The following GABRA3 variants were observed in gnomAD, a reference collection of about 807,000 sequenced individuals.
GABRA3 encodes gamma-aminobutyric acid type A receptor subunit alpha3, also known as gamma-aminobutyric acid receptor subunit alpha-3.
GABRA3 carries 10 observed loss-of-function variants against 30.1 expected under a neutral mutation model. The ratio of observed to expected loss-of-function variants is 0.33; its 90% CI spans 0.20 to 0.56. GABRA3 has a LOEUF of 0.56. GABRA3 is among the 20% of genes least tolerant of loss of function. The probability of loss-of-function intolerance (pLI) is 0.89; values close to 1 mark genes in which losing one functional copy is unlikely to be tolerated. For synonymous variants in GABRA3, 151 were observed against 146.8 expected, an observed-to-expected ratio of 1.03 and a Z score of -0.21; for missense variants, 233 against 392.0, an observed-to-expected ratio of 0.59 and a Z score of 3.42.
rs1382763460 is a variant in GABRA3 at position 152,174,829 on chromosome X, C to A, written c.1144-6266G>T. Reference sequence around the variant, plus strand: ...CATTTTTCAATTTTGGCTTTTGTTGCCATTGCTTTTGGTGTTTTAGACATG... The same window carrying A: ...CATTTTTCAATTTTGGCTTTTGTTGACATTGCTTTTGGTGTTTTAGACATG... On this transcript the variant is annotated intron_variant, in intron 9 of 9. Transcript: ENST00000370314. Among the ~76,000 whole-genome samples the A allele has an allele frequency of 2.7e-5, 3 of 111,934 alleles. No individual in the cohort carries two copies. The East Asian group carries it at 8.4e-4, about 31-fold the overall frequency.
intron 1 of GABRA3, among the ~76,000 whole-genome samples, chrX:152,401,841 G>T (rs1929804403): frequency 9.0e-6 from 1 of 111,627 alleles, no homozygotes; most frequent in African/African-American, 3.3e-5. Context: ...ATAGGATAGA[G>T]ATTTGGATAA....
Position 152,290,657 on chromosome X carries a change from T to C in GABRA3, c.263-5922A>G, listed in dbSNP as rs73623039. The stretch of plus-strand genomic sequence containing the variant: ...CTTTTACGGTTTCAGGTCTAACATT[T>C]AATTCTTTATTCAATCTTGAATTAA... On this transcript the variant is annotated intron_variant, in intron 3 of 9. Transcript: ENST00000370314. Among the ~76,000 whole-genome samples the C allele has an allele frequency of 5.6e-3, 625 of 112,345 alleles. 6 individuals carry two copies. The highest frequency in any genetic ancestry group is 0.02 in the African/African-American group (610 of 30,917).
chrX:152,349,313 C>A (rs1377937725), intron 2 of GABRA3, among the ~76,000 whole-genome samples: 1 of 110,772 alleles, frequency 9.0e-6, no homozygotes, highest in Non-Finnish European at 1.9e-5. Flanking sequence ...AAGCGCTAAA[C>A]ATGGAGAGGA....
chrX:152,415,943 G>A (rs951884780), intron 1 of GABRA3, among the ~76,000 whole-genome samples: 24 of 108,969 alleles, frequency 2.2e-4, no homozygotes, highest in Non-Finnish European at 2.7e-4. Flanking sequence ...TGCAATCTAT[G>A]TACTGTAATA....
chrX:152,313,616 G>A (rs1939829195), intron 3 of GABRA3, among the ~76,000 whole-genome samples: 1 of 111,874 alleles, frequency 8.9e-6, no homozygotes, highest in Non-Finnish European at 1.9e-5. Flanking sequence ...GTAATTGCTG[G>A]AACTGAAACT....
At chrX:152,188,795 T>C (rs1347098972) in intron 9 of GABRA3, among the ~76,000 whole-genome samples, 1 of 112,007 alleles carries the variant, frequency 8.9e-6, no homozygotes. Context: ...GTTTCTCTTC[T>C]CCATGATTAT....
At chrX:152,378,705 G>C (rs1285019320) in intron 1 of GABRA3, among the ~76,000 whole-genome samples, 2 of 111,085 alleles carry the variant, frequency 1.8e-5, no homozygotes, top group African/African-American at 6.5e-5. Context: ...TAAAGGCTCT[G>C]GTGCAAATAA....
intron 2 of GABRA3, among the ~76,000 whole-genome samples, chrX:152,358,120 T>C (rs761117586): frequency 5.4e-5 from 6 of 112,070 alleles, no homozygotes; most frequent in Admixed American, 2.8e-4. Flanking sequence ...AAGAATAGCA[T>C]TGAATCTGTA....
intron 1 of GABRA3, among the ~76,000 whole-genome samples, chrX:152,433,798 A>G (rs1454999178): frequency 9.0e-6 from 1 of 110,809 alleles, no homozygotes; most frequent in Non-Finnish European, 1.9e-5. Flanking sequence ...ATGAGAAAAA[A>G]AAAGAAAACA....
At chrX:152,339,118 G>A (rs1249762529) in intron 3 of GABRA3, among the ~76,000 whole-genome samples, 1 of 110,654 alleles carries the variant, frequency 9.0e-6, no homozygotes, top group African/African-American at 3.3e-5. Flanking sequence ...AATTGCTTTG[G>A]GTAGTATTGT....
chrX:152,366,688 T>A lies in GABRA3; in HGVS notation c.-26-2092A>T, dbSNP rs148086814. On this transcript the variant is annotated intron_variant, in intron 1 of 9. Coordinates refer to ENST00000370314, the MANE Select transcript of GABRA3 (RefSeq NM_000808.4). ...AAGAGCCTTCAAAAATGATCACACA[T>A]CCATGTGGCTGGAGGCAAATACAGT... 4.6e-3 allele frequency among the ~76,000 whole-genome samples: 513 copies of A among 112,321 alleles called. 2 individuals are homozygous for A. In the Middle Eastern group the frequency reaches 0.07, roughly 15 times the overall value.
intron 1 of GABRA3, among the ~76,000 whole-genome samples, chrX:152,367,198 C>T (rs1302636615): frequency 9.0e-6 from 1 of 110,787 alleles, no homozygotes; most frequent in African/African-American, 3.3e-5. Flanking sequence ...AGTAGACAAC[C>T]ATAGTGTATG....
chrX:152,219,993 G>T (rs974283795), intron 6 of GABRA3, among the ~76,000 whole-genome samples: 8 of 111,177 alleles, frequency 7.2e-5, no homozygotes, highest in Non-Finnish European at 1.1e-4. Flanking sequence ...CTATCAGTTT[G>T]CTATCATTTT....
intron 2 of GABRA3, among the ~76,000 whole-genome samples, chrX:152,348,231 G>T (rs1027297422): frequency 9.0e-6 from 1 of 110,812 alleles, no homozygotes; most frequent in African/African-American, 3.3e-5. Flanking sequence ...GGGGAAAAAA[G>T]GAATCATGGC....
At chrX:152,208,799 G>C (rs1341484341) in intron 6 of GABRA3, among the ~76,000 whole-genome samples, 2 of 111,613 alleles carry the variant, frequency 1.8e-5, no homozygotes, top group Non-Finnish European at 3.8e-5. Flanking sequence ...ATGAGTAAAA[G>C]CTTCCTGAGG....
At chrX:152,241,354 C>T (rs987657813) in intron 5 of GABRA3, among the ~76,000 whole-genome samples, 2 of 94,760 alleles carry the variant, frequency 2.1e-5, no homozygotes, top group African/African-American at 6.7e-5. Context: ...AGGAGGCAGT[C>T]TGCCGGTTCT....
chrX:152,310,730 A>C (rs753454575), intron 3 of GABRA3, among the ~76,000 whole-genome samples: 29 of 111,575 alleles, frequency 2.6e-4, no homozygotes, highest in Non-Finnish European at 4.1e-4. Flanking sequence ...ATTGAAGAAA[A>C]TCGAGATTAA....
chrX:152,197,768 T>C lies in GABRA3; in HGVS notation c.796A>G (p.Thr266Ala). Residue 266 changes from threonine to alanine, a missense_variant, in exon 8 of 10, where the codon ACA becomes GCA. Transcript: ENST00000370314. The stretch of plus-strand genomic sequence containing the variant: ...TTTCGCTTGAGATGGAAGTGGGTTG[T>C]CATGACGACATATTCTCCTAAAGAG... Reference protein sequence around the residue: ...RSSTGEYVVMTTHFHLKRKIG... With the variant: ...RSSTGEYVVMATHFHLKRKIG... 8.3e-7 allele frequency: 1 copy of C among 1,208,642 alleles called. No individual in the cohort carries two copies. Among genetic ancestry groups the C allele is most frequent in the Non-Finnish European group, 1.1e-6 (1 of 893,008 alleles).
chrX:152,324,383 T>C (rs1940018516), intron 3 of GABRA3, among the ~76,000 whole-genome samples: 1 of 110,754 alleles, frequency 9.0e-6, no homozygotes, highest in African/African-American at 3.3e-5. Flanking sequence ...AAACAAATTA[T>C]GCCAAGCCTA....
Sources: gnomAD v4.1 joint callset for allele counts (sites outside exome capture counted in the v4.1 genomes callset) on GRCh38, gnomAD v4.1.1 for gene constraint, MANE v1.5 for transcripts, NCBI Gene and HGNC (gene_info 2026-07-23, HGNC 2026-07-21) for gene names.